Variants in TDRD3 observed in about 807,000 individuals in gnomAD.
TDRD3 encodes tudor domain containing 3, also known as tudor domain-containing protein 3.
A neutral mutation model predicts 86.7 loss-of-function variants in TDRD3; 45 were observed. The observed-to-expected ratio is 0.52, with a 90% CI of 0.41 to 0.67. The LOEUF is 0.67. Ranked by LOEUF, TDRD3 falls within the 30% of genes least tolerant of loss-of-function variation. TDRD3 has a pLI of 0.00. For missense variants in TDRD3, 814 were observed against 889.0 expected (o/e 0.92, Z 1.07); for synonymous variants, 298 against 301.7 (o/e 0.99, Z 0.13).
chr13:60,467,735 C>T (rs1955979005), intron 5 of TDRD3, among the ~76,000 whole-genome samples: 1 of 152,188 alleles, frequency 6.6e-6, no homozygotes, highest in Non-Finnish European at 1.5e-5. Flanking sequence ...TCTACAGACA[C>T]ACATACGTGC....
chr13:60,483,664 C>A, intron 5 of TDRD3, 111 bp from the exon 6 acceptor site: 1 of 911,228 alleles, frequency 1.1e-6, no homozygotes, highest in South Asian at 2.4e-5. Flanking sequence ...CTTTTTTTTT[C>A]CTATTTCTTA....
intron 8 of TDRD3, among the ~76,000 whole-genome samples, chr13:60,500,463 T>A (rs534497953): frequency 6.6e-6 from 1 of 152,114 alleles, no homozygotes; most frequent in Non-Finnish European, 1.5e-5. Flanking sequence ...AAGAGAAGAC[T>A]GGGGCCTGGT....
intron 1 of TDRD3, among the ~76,000 whole-genome samples, chr13:60,439,148 A>G (rs1955194070): frequency 1.3e-5 from 2 of 152,152 alleles, no homozygotes; most frequent in South Asian, 4.1e-4. Flanking sequence ...TAAAAGATGT[A>G]TTGTAAAAAG....
At chr13:60,462,830 A>G (rs923709992) in intron 4 of TDRD3, among the ~76,000 whole-genome samples, 1 of 152,198 alleles carries the variant, frequency 6.6e-6, no homozygotes, top group Admixed American at 6.5e-5. Flanking sequence ...AGTAAAAAGA[A>G]CAAAGCTGGA....
chr13:60,460,600 A>T (rs368217969), intron 4 of TDRD3, 60 bp downstream of exon 4: 5 of 1,441,404 alleles, frequency 3.5e-6, no homozygotes, highest in East Asian at 2.7e-5. Context: ...ATTCAATTGG[A>T]ATAACTTAAG....
chr13:60,525,602 GT>G (rs1259920993), intron 10 of TDRD3, among the ~76,000 whole-genome samples: 1 of 152,104 alleles, frequency 6.6e-6, no homozygotes, highest in African/African-American at 2.4e-5. Flanking sequence ...GTAGTCTAAT[GT>G]ACATCATCAT....
chr13:60,455,172 C>T (rs1264327985), intron 3 of TDRD3, among the ~76,000 whole-genome samples: 1 of 152,186 alleles, frequency 6.6e-6, no homozygotes, highest in Non-Finnish European at 1.5e-5. Context: ...CTCAGCCTCC[C>T]AAAGTGCTGG....
At chr13:60,525,861 G>C (rs1957418540) in intron 10 of TDRD3, among the ~76,000 whole-genome samples, 1 of 152,134 alleles carries the variant, frequency 6.6e-6, no homozygotes, top group African/African-American at 2.4e-5. Context: ...AAGTAGATTG[G>C]ATCTGGAACA....
intron 8 of TDRD3, 70 bp downstream of exon 8, chr13:60,494,645 C>T: frequency 2.0e-6 from 3 of 1,463,790 alleles, no homozygotes; most frequent in Middle Eastern, 1.9e-4. Context: ...TCTTTCTTAC[C>T]ACCACCACTG....
intron 3 of TDRD3, among the ~76,000 whole-genome samples, chr13:60,451,620 A>AT (rs1203735517): frequency 6.6e-6 from 1 of 152,204 alleles, no homozygotes; most frequent in African/African-American, 2.4e-5. Context: ...TCCCTAAGGA[A>AT]TATAAACAGG....
rs1409665779 is a variant in TDRD3 at position 60,535,346 on chromosome 13, C to T, written c.2118+113C>T. On this transcript the variant is annotated intron_variant, in intron 12 of 13. Coordinates refer to ENST00000377881, the MANE Select transcript of TDRD3 (RefSeq NM_001146070.2). ...CAAGTGGAATCATATTTTGAATTTA[C>T]TTATAACTGGCTACCCCTAAAGTAA... 7.3e-6 allele frequency: 9 copies of T among 1,234,038 alleles called. No homozygotes were observed. In the Admixed American group the frequency reaches 9.4e-5, roughly 13 times the overall value. 76.4% of individuals were successfully genotyped at this position (1,234,038 alleles called of 1,614,324 possible). A position where few individuals can be genotyped will look rare whatever the true frequency, so the allele number is the denominator to read the frequency against.
chr13:60,427,883 A>G (rs928411464), intron 1 of TDRD3, among the ~76,000 whole-genome samples: 2 of 152,180 alleles, frequency 1.3e-5, no homozygotes, highest in African/African-American at 2.4e-5. Context: ...TAATGGGTAT[A>G]TTTATTTCCT....
At chr13:60,510,520 TGAAAA>T in intron 9 of TDRD3, 105 bp from the exon 10 acceptor site, 3 of 1,151,734 alleles carry the variant, frequency 2.6e-6, no homozygotes, top group Non-Finnish European at 3.3e-6. Flanking sequence ...ACAAAAAATA[TGAAAA>T]GAAATTAAAA....
At chr13:60,478,071 A>G (rs1956225723) in intron 5 of TDRD3, among the ~76,000 whole-genome samples, 1 of 152,006 alleles carries the variant, frequency 6.6e-6, no homozygotes, top group African/African-American at 2.4e-5. Context: ...TGGTCTGGTC[A>G]GGTTTTCACT....
chr13:60,401,801 C>T (rs1339248199), intron 1 of TDRD3, among the ~76,000 whole-genome samples: 1 of 152,188 alleles, frequency 6.6e-6, no homozygotes, highest in Non-Finnish European at 1.5e-5. Flanking sequence ...GTGCTATCAC[C>T]ATGCTAACAT....
rs1212756649 is a variant in TDRD3, at chr13:60,485,844, A to G, written c.613A>G (p.Arg205Gly). 3.1e-6 allele frequency: 5 copies of G among 1,609,892 alleles called. No individual in the cohort carries two copies. Among genetic ancestry groups the G allele is most frequent in the Admixed American group, 1.7e-5 (1 of 59,390 alleles). The change falls in exon 7 of 14, where the codon AGA becomes GGA. Residue 205 changes from arginine to glycine, a missense_variant. Arg to Gly is a moderately radical substitution (Grantham distance 125). Coordinates refer to ENST00000377881, the MANE Select transcript of TDRD3 (RefSeq NM_001146070.2). ...VQVDSRELDR[R>G]KTLQVTMPVK... ...AGTGGATAGCAGAGAACTTGATCGA[A>G]GAAAAACATTGCAAGTTACAATGCC...
At position 60,520,503 on chromosome 13, in the gene TDRD3, C is replaced by G. The variant is rs549361806; in HGVS notation, c.1142-7864C>G. 1.2e-4 allele frequency among the ~76,000 whole-genome samples: 18 copies of G among 152,282 alleles called. No homozygotes were observed. In the South Asian group the frequency reaches 3.7e-3, roughly 32 times the overall value. ...CTTCTCATTAGGGCTCACCTAAACCCCATTTCTCCACAGACGTTTTCCCTC... is the reference window on the plus strand; with the variant it reads ...CTTCTCATTAGGGCTCACCTAAACCGCATTTCTCCACAGACGTTTTCCCTC... On this transcript the variant is annotated intron_variant, in intron 10 of 13. Transcript: ENST00000377881.
At chr13:60,419,102 GTTTAAC>G (rs1424418560) in intron 1 of TDRD3, among the ~76,000 whole-genome samples, 1 of 152,128 alleles carries the variant, frequency 6.6e-6, no homozygotes, top group East Asian at 1.9e-4. Flanking sequence ...GCACATTTTT[GTTTAAC>G]TTTATAGGAA....
At chr13:60,490,702 A>C (rs924756043) in intron 7 of TDRD3, among the ~76,000 whole-genome samples, 1 of 152,200 alleles carries the variant, frequency 6.6e-6, no homozygotes, top group African/African-American at 2.4e-5. Context: ...AAAAAAAATG[A>C]TGATGCCTTG....
Sources: allele counts gnomAD v4.1 joint callset (sites outside exome capture counted in the v4.1 genomes callset), GRCh38; gene constraint gnomAD v4.1.1; transcripts MANE v1.5; gene names NCBI Gene and HGNC (gene_info 2026-07-23, HGNC 2026-07-21).